Variants in NPAS3 observed in about 807,000 individuals in gnomAD.
NPAS3 encodes the protein neuronal PAS domain protein 3, also known as neuronal PAS domain-containing protein 3.
In NPAS3, 14 loss-of-function variants were observed where a neutral mutation model predicts 73.1. The observed-to-expected ratio is 0.19, with a 90% CI of 0.13 to 0.30. The LOEUF is 0.30. Ranked by LOEUF, NPAS3 falls within the 10% of genes least tolerant of loss-of-function variation. The pLI is 1.00. For missense variants in NPAS3, 1,096 were observed against 1,250.0 expected, an observed-to-expected ratio of 0.88 and a Z score of 1.86; for synonymous variants, 620 against 541.5, an observed-to-expected ratio of 1.14 and a Z score of -2.01.
At chr14:32,937,752 G>T (rs960628804), upstream of NPAS3, among the ~76,000 whole-genome samples, 1 of 152,148 alleles carries the variant, frequency 6.6e-6, no homozygotes, top group Non-Finnish European at 1.5e-5. Context: ...CCTCACACAG[G>T]ACTGATGTTT....
At chr14:33,202,301 G>T (rs1299178017) in intron 2 of NPAS3, among the ~76,000 whole-genome samples, 1 of 152,114 alleles carries the variant, frequency 6.6e-6, no homozygotes, top group Non-Finnish European at 1.5e-5. Flanking sequence ...TGCCTGGGAG[G>T]CTGAGGTGGG....
intron 3 of NPAS3, among the ~76,000 whole-genome samples, chr14:33,304,142 A>C (rs577804507): frequency 3.3e-5 from 5 of 152,288 alleles, no homozygotes; most frequent in African/African-American, 1.2e-4. Flanking sequence ...TTAATGATTC[A>C]TCTTAAGGTC....
intron 1 of NPAS3, among the ~76,000 whole-genome samples, chr14:33,048,718 G>A (rs950867888): frequency 6.6e-6 from 1 of 152,174 alleles, no homozygotes; most frequent in Non-Finnish European, 1.5e-5. Flanking sequence ...ACAAAATAGA[G>A]GTCACAGTGG....
chr14:33,643,224 T>G (rs1316952265), intron 5 of NPAS3, among the ~76,000 whole-genome samples: 1 of 152,118 alleles, frequency 6.6e-6, no homozygotes, highest in African/African-American at 2.4e-5. Context: ...GATAGTATTA[T>G]CTGCTATAAA....
chr14:32,955,435 A>G (rs1794696616), intron 1 of NPAS3, among the ~76,000 whole-genome samples: 1 of 152,138 alleles, frequency 6.6e-6, no homozygotes, highest in Non-Finnish European at 1.5e-5. Context: ...AAGCTCTAAG[A>G]TGCTCATGAA....
chr14:33,656,574 A>C (rs1327103014), intron 5 of NPAS3, among the ~76,000 whole-genome samples: 1 of 152,104 alleles, frequency 6.6e-6, no homozygotes, highest in Non-Finnish European at 1.5e-5. Flanking sequence ...TTCTTTTTAA[A>C]ATTTTTTAAT....
intron 5 of NPAS3, among the ~76,000 whole-genome samples, chr14:33,616,087 C>T (rs186499357): frequency 2.8e-4 from 43 of 152,296 alleles, no homozygotes; most frequent in African/African-American, 9.1e-4. Flanking sequence ...GACTCAACCT[C>T]CTGGGATGAA....
intron 2 of NPAS3, among the ~76,000 whole-genome samples, chr14:33,196,267 T>C (rs1183850277): frequency 6.6e-6 from 1 of 152,232 alleles, no homozygotes; most frequent in South Asian, 2.1e-4. Context: ...TTCTTTATTC[T>C]AGGTCTGCTT....
chr14:33,260,265 T>A (rs1359018442), intron 3 of NPAS3, among the ~76,000 whole-genome samples: 2 of 152,182 alleles, frequency 1.3e-5, no homozygotes, highest in African/African-American at 4.8e-5. Flanking sequence ...GGAAATGATT[T>A]GTTGGTATAT....
chr14:33,790,679 CTTTTTTT>C (rs1379363427), intron 9 of NPAS3, among the ~76,000 whole-genome samples: 1 of 149,950 alleles, frequency 6.7e-6, no homozygotes, highest in Non-Finnish European at 1.5e-5. Flanking sequence ...TTTCTTTTTT[CTTTTTTT>C]GAGCCAGAGT....
intron 2 of NPAS3, among the ~76,000 whole-genome samples, chr14:33,142,244 A>G (rs1280507402): frequency 3.7e-5 from 1 of 26,780 alleles, no homozygotes; most frequent in African/African-American, 1.4e-4. Flanking sequence ...TCCTTCTGGG[A>G]TTTTTTTTCA....
intron 6 of NPAS3, among the ~76,000 whole-genome samples, chr14:33,702,801 T>C (rs1031399882): frequency 1.3e-5 from 2 of 152,144 alleles, no homozygotes; most frequent in Non-Finnish European, 2.9e-5. Flanking sequence ...ATGGCAAACT[T>C]GTGTTACAAC....
intron 5 of NPAS3, among the ~76,000 whole-genome samples, chr14:33,647,318 TGAA>T: frequency 6.6e-6 from 1 of 151,962 alleles, no homozygotes; most frequent in South Asian, 2.1e-4. Context: ...AGCCACATGA[TGAA>T]GAAACACCTG....
At chr14:33,175,155 A>G (rs1305732705) in intron 2 of NPAS3, among the ~76,000 whole-genome samples, 1 of 152,216 alleles carries the variant, frequency 6.6e-6, no homozygotes, top group Non-Finnish European at 1.5e-5. Flanking sequence ...TTTGAAAAAT[A>G]TTGATTGACA....
intron 4 of NPAS3, among the ~76,000 whole-genome samples, chr14:33,463,783 GTC>G (rs955420368): frequency 1.4e-4 from 22 of 152,286 alleles, no homozygotes; most frequent in African/African-American, 5.1e-4. Context: ...TGATATTTCA[GTC>G]TCTCAAGGAG....
intron 5 of NPAS3, among the ~76,000 whole-genome samples, chr14:33,592,859 C>T (rs976419930): frequency 6.6e-6 from 1 of 152,028 alleles, no homozygotes; most frequent in Non-Finnish European, 1.5e-5. Context: ...AGAATGTATG[C>T]CTCAAATCTC....
chr14:33,565,518 C>G (rs1368004682), intron 5 of NPAS3, among the ~76,000 whole-genome samples: 1 of 152,150 alleles, frequency 6.6e-6, no homozygotes, highest in Non-Finnish European at 1.5e-5. Flanking sequence ...AAGGCTCACT[C>G]TTCCATTCTG....
chr14:33,175,672 GAAAAAGT>G (rs947254542), intron 2 of NPAS3, among the ~76,000 whole-genome samples: 2 of 152,054 alleles, frequency 1.3e-5, no homozygotes, highest in African/African-American at 4.8e-5. Context: ...TAGTTGAGTG[GAAAAAGT>G]AAATTTAATT....
At position 33,611,537 on chromosome 14, in the gene NPAS3, C is replaced by T. The variant is rs144522593; in HGVS notation, c.558+51327C>T. Among the ~76,000 whole-genome samples the T allele has an allele frequency of 3.3e-3, 484 of 146,152 alleles. 2 individuals are homozygous for T. Among genetic ancestry groups the T allele is most frequent in the Non-Finnish European group, 5.6e-3 (375 of 67,296 alleles). ...AATATAAAATGAAAGGGGAGTCTTACCTCCAGAGCTTATAATGCCCTCGGG... is the reference window on the plus strand; with the variant it reads ...AATATAAAATGAAAGGGGAGTCTTATCTCCAGAGCTTATAATGCCCTCGGG... On this transcript the variant is annotated intron_variant, in intron 5 of 11. Transcript: ENST00000356141.
Sources: gnomAD v4.1 joint callset for allele counts (sites outside exome capture counted in the v4.1 genomes callset) on GRCh38, gnomAD v4.1.1 for gene constraint, MANE v1.5 for transcripts, NCBI Gene and HGNC (gene_info 2026-07-23, HGNC 2026-07-21) for gene names.